The following TSPAN8 variants were observed in gnomAD, a reference collection of about 807,000 sequenced individuals.
TSPAN8 encodes the protein tetraspanin-8.
TSPAN8 carries 21 observed loss-of-function variants against 32.8 expected under a neutral mutation model. That is an observed-to-expected ratio of 0.64 (90% CI 0.45 to 0.92). The LOEUF (loss-of-function observed/expected upper bound fraction) is 0.92, where lower values mean the gene tolerates loss of function less well. TSPAN8 is among the 40% of genes least tolerant of loss of function. TSPAN8 has a pLI of 0.00. For synonymous variants in TSPAN8, 95 were observed against 94.6 expected (o/e 1.00, Z -0.03); for missense variants, 269 against 281.9 (o/e 0.95, Z 0.33).
At chr12:71,150,141 C>T (rs10784896) in intron 2 of TSPAN8, among the ~76,000 whole-genome samples, 52,772 of 151,996 alleles carry the variant, frequency 0.35, 9,689 homozygotes, top group Non-Finnish European at 0.39. Flanking sequence ...TTGGGAAACT[C>T]CACCCTGGTA....
chr12:71,154,979 A>T (rs772520579), intron 2 of TSPAN8, among the ~76,000 whole-genome samples: 1 of 152,238 alleles, frequency 6.6e-6, no homozygotes, highest in Admixed American at 6.5e-5. Flanking sequence ...AAACATTGTA[A>T]TGGAGCTGAT....
intron 2 of TSPAN8, among the ~76,000 whole-genome samples, chr12:71,156,264 A>AC (rs1872430369): frequency 4.6e-5 from 3 of 65,122 alleles, no homozygotes; most frequent in African/African-American, 1.5e-4. Context: ...AAAAAAAAAA[A>AC]AAAACAAACA....
rs571854058 is a variant in TSPAN8 at position 71,155,975 on chromosome 12, C to T, written c.60+1644G>A. On this transcript the variant is annotated intron_variant, in intron 2 of 8. Transcript: ENST00000247829. Reference sequence around the variant, plus strand: ...CTCAAACTCCTGACCTTGTGATCCACCCATCTCGGTCTCCCAAAGTGCTGG... The same window carrying T: ...CTCAAACTCCTGACCTTGTGATCCATCCATCTCGGTCTCCCAAAGTGCTGG... Among the ~76,000 whole-genome samples the T allele has an allele frequency of 2.7e-4, 41 of 152,172 alleles. 1 individual carries two copies. The highest frequency in any genetic ancestry group is 9.6e-4 in the African/African-American group (40 of 41,532).
chr12:71,135,929 G>C (rs1246220404), intron 6 of TSPAN8, among the ~76,000 whole-genome samples: 1 of 152,130 alleles, frequency 6.6e-6, no homozygotes, highest in Non-Finnish European at 1.5e-5. Flanking sequence ...GGAAAGAAGA[G>C]AGTCAAAGGA....
At chr12:71,129,457 T>C in intron 7 of TSPAN8, 43 bp from the exon 8 acceptor site, 1 of 1,511,872 alleles carries the variant, frequency 6.6e-7, no homozygotes, top group Admixed American at 2.4e-5. Context: ...CTCAGAAAAA[T>C]TCGACCTTAT....
intron 8 of TSPAN8, among the ~76,000 whole-genome samples, chr12:71,129,008 CT>C (rs5799023): frequency 0.36 from 54,306 of 151,868 alleles, 10,380 homozygotes; most frequent in African/African-American, 0.4. Flanking sequence ...ACTGTAACCC[CT>C]GTGCTAGTTT....
intron 7 of TSPAN8, 66 bp from the exon 8 acceptor site, chr12:71,129,480 T>C: frequency 7.1e-7 from 1 of 1,416,934 alleles, no homozygotes; most frequent in African/African-American, 1.5e-5. Flanking sequence ...TAATCAAAAT[T>C]TTTATTAATC....
chr12:71,137,194 C>G lies in TSPAN8; in HGVS notation c.444+759G>C, dbSNP rs118054184. Among the ~76,000 whole-genome samples the G allele has an allele frequency of 9.0e-3, 1,371 of 152,244 alleles. 19 individuals carry two copies. Among genetic ancestry groups the G allele is most frequent in the East Asian group, 0.05 (258 of 5,176 alleles). On this transcript the variant is annotated intron_variant, in intron 6 of 8. Transcript: ENST00000247829. ...ACTCAGGAACCTGAGGTGGGAAGAT[C>G]TCTTGAGCCCTGGTGGTCAAAATTG...
At chr12:71,157,019 G>T (rs1403104020) in intron 2 of TSPAN8, 2 of 152,104 alleles carry the variant, frequency 1.3e-5, no homozygotes, top group East Asian at 1.9e-4. Flanking sequence ...TCAATTAAAA[G>T]GTAGGGTGAT....
chr12:71,149,072 T>C (rs190795587), intron 2 of TSPAN8, among the ~76,000 whole-genome samples: 2 of 152,278 alleles, frequency 1.3e-5, no homozygotes, highest in East Asian at 3.9e-4. Context: ...TTATGCTAAA[T>C]TTCCTTGAAA....
intron 7 of TSPAN8, among the ~76,000 whole-genome samples, chr12:71,130,967 T>C (rs1871502508): frequency 6.6e-6 from 1 of 152,234 alleles, no homozygotes; most frequent in Non-Finnish European, 1.5e-5. Flanking sequence ...CTGGTGTAGC[T>C]ATCAGCCTAT....
rs1565784132 is a variant in TSPAN8 at position 71,135,233 on chromosome 12, AGGAGG to A, written c.445-2414_445-2410del. On this transcript the variant is annotated intron_variant, in intron 6 of 8. Coordinates refer to ENST00000247829, the MANE Select transcript of TSPAN8 (RefSeq NM_004616.3). ...AGGAGGAGGAGGAGGAAGAAGAAGGAGGAGGAGGAGGAGGAGGAGGAGGTAAGAAG... is the reference window on the plus strand; with the variant it reads ...AGGAGGAGGAGGAGGAAGAAGAAGGAAGGAGGAGGAGGAGGAGGTAAGAAG... Among the ~76,000 whole-genome samples, 441 of 66,448 alleles carry A rather than the reference AGGAGG, an allele frequency of 6.6e-3. 6 individuals are homozygous for A. Among genetic ancestry groups the A allele is most frequent in the African/African-American group, 0.019 (401 of 21,154 alleles). The allele number at this position is 66,448 out of a possible 152,430, so 43.6% of individuals were successfully genotyped here.
Position 71,137,934 on chromosome 12 carries a change from A to G in TSPAN8, c.444+19T>C, listed in dbSNP as rs1565785298. ...GAACTATGTCCAACTCTTTAAAATG[A>G]ACAATGAATTCTAATTACCTCTTCT... On this transcript the variant is annotated intron_variant, in intron 6 of 8. Coordinates refer to ENST00000247829, the MANE Select transcript of TSPAN8 (RefSeq NM_004616.3). 1.9e-6 allele frequency: 3 copies of G among 1,598,880 alleles called. No homozygotes were observed. The highest frequency in any genetic ancestry group is 2.6e-6 in the Non-Finnish European group (3 of 1,171,250).
chr12:71,137,904 CAGA>C, intron 6 of TSPAN8, 46 bp downstream of exon 6: 1 of 1,523,812 alleles, frequency 6.6e-7, no homozygotes, highest in African/African-American at 1.4e-5. Flanking sequence ...TAAACAAACA[CAGA>C]AGAACTATGT....
At chr12:71,126,969 A>G (rs1339579261) in intron 8 of TSPAN8, among the ~76,000 whole-genome samples, 1 of 152,154 alleles carries the variant, frequency 6.6e-6, no homozygotes, top group African/African-American at 2.4e-5. Context: ...CCTTAGGTAT[A>G]TAGTCTTAAC....
intron 3 of TSPAN8, among the ~76,000 whole-genome samples, chr12:71,140,095 C>T (rs879383015): frequency 1.3e-5 from 2 of 151,886 alleles, no homozygotes; most frequent in Non-Finnish European, 2.9e-5. Flanking sequence ...TTTTTTAAAC[C>T]GTATTTTTAA....
intron 2 of TSPAN8, among the ~76,000 whole-genome samples, chr12:71,148,851 T>C (rs971041308): frequency 6.6e-6 from 1 of 152,186 alleles, no homozygotes; most frequent in Non-Finnish European, 1.5e-5. Context: ...TTTTATCTCA[T>C]CCCGTTGTTT....
intron 2 of TSPAN8, among the ~76,000 whole-genome samples, chr12:71,154,957 A>G (rs2137063203): frequency 6.6e-6 from 1 of 152,360 alleles, no homozygotes; most frequent in South Asian, 2.1e-4. Context: ...CAAATTGCAC[A>G]TTAATAAGGG....
chr12:71,131,337 CT>C (rs897365979), intron 7 of TSPAN8, among the ~76,000 whole-genome samples: 1 of 152,072 alleles, frequency 6.6e-6, no homozygotes, highest in Non-Finnish European at 1.5e-5. Flanking sequence ...TATTGAGTTA[CT>C]TTAAATCTTA....
Sources: gnomAD v4.1 joint callset for allele counts (sites outside exome capture counted in the v4.1 genomes callset) on GRCh38, gnomAD v4.1.1 for gene constraint, MANE v1.5 for transcripts, NCBI Gene and HGNC (gene_info 2026-07-23, HGNC 2026-07-21) for gene names.